RNASET2: variants seen among roughly 807,000 people sequenced by gnomAD.
RNASET2 encodes ribonuclease 6.
RNASET2 carries 28 observed loss-of-function variants against 33.9 expected under a neutral mutation model. The observed-to-expected ratio is 0.83, with a 90% CI of 0.61 to 1.13. The LOEUF is 1.13. RNASET2 is among the 50% of genes most tolerant of loss of function. The pLI is 0.00. For missense variants in RNASET2, 330 were observed against 319.9 expected (o/e 1.03, Z -0.24); for synonymous variants, 123 against 121.0 (o/e 1.02, Z -0.11).
chr6:166,930,788 A>G lies in RNASET2; in HGVS notation c.567+256T>C, dbSNP rs542816668. ...ACATGCACACACATGCACACATAGC[A>G]CATGCCCACATGCATGTACACACAC... On this transcript the variant is annotated intron_variant, in intron 8 of 8. Coordinates refer to ENST00000508775, the MANE Select transcript of RNASET2 (RefSeq NM_003730.6). Among the ~76,000 whole-genome samples the G allele has an allele frequency of 1.0e-3, 153 of 149,632 alleles. 1 individual carries two copies. The highest frequency in any genetic ancestry group is 2.1e-3 in the South Asian group (10 of 4,688).
chr6:166,955,837 C>T, intron 1 of RNASET2: 1 of 875,584 alleles, frequency 1.1e-6, no homozygotes, highest in Non-Finnish European at 1.4e-6. Flanking sequence ...CTCCCCTCAT[C>T]GCACTCCTTC....
chr6:166,954,392 A>T (rs1463186430), intron 1 of RNASET2, among the ~76,000 whole-genome samples: 1 of 152,260 alleles, frequency 6.6e-6, no homozygotes, highest in Non-Finnish European at 1.5e-5. Context: ...CCAGCCAGAC[A>T]TCATTCCAAG....
chr6:166,931,497 C>A, intron 7 of RNASET2: 1 of 311,536 alleles, frequency 3.2e-6, no homozygotes. Context: ...AAAGCTTTCT[C>A]AGCCCTGTCC....
At chr6:166,943,528 T>C in intron 4 of RNASET2, 1 of 329,748 alleles carries the variant, frequency 3.0e-6, no homozygotes, top group Non-Finnish European at 5.9e-6. Context: ...GATTCGCGGT[T>C]GCTTGGGGGT....
rs1051139832 is a variant in RNASET2, at chr6:166,922,423, T to C, written c.*7165A>G. On this transcript the variant is annotated 3_prime_UTR_variant, in exon 9 of 9. Coordinates refer to ENST00000508775, the MANE Select transcript of RNASET2 (RefSeq NM_003730.6). ...AAAAAACCACTTGATTTCCAGGAAT[T>C]GCCATAGGCTAGAGTCTCAGGTGTA... Among the ~76,000 whole-genome samples, 1 of 152,208 alleles carries C rather than the reference T, an allele frequency of 6.6e-6. No individual in the cohort carries two copies. The highest frequency in any genetic ancestry group is 2.4e-5 in the African/African-American group (1 of 41,452).
In RNASET2 at chr6:166,925,991, A is replaced by G. The variant is rs1778299043; in HGVS notation, c.*3597T>C. ...CAGAGAGCCATGGTTGGTTACGGAG[A>G]GTGGCACAAACACGGTGCCAGCGTC... is the stretch of plus-strand genomic sequence containing the variant. On this transcript the variant is annotated 3_prime_UTR_variant, in exon 9 of 9. Transcript: ENST00000508775. Among the ~76,000 whole-genome samples, 1 of 152,190 alleles carries G rather than the reference A, an allele frequency of 6.6e-6. No individual in the cohort carries two copies. Among genetic ancestry groups the G allele is most frequent in the Non-Finnish European group, 1.5e-5 (1 of 68,028 alleles).
intron 2 of RNASET2, among the ~76,000 whole-genome samples, chr6:166,951,114 G>A (rs191164129): frequency 6.6e-6 from 1 of 152,346 alleles, no homozygotes; most frequent in East Asian, 1.9e-4. Context: ...GACTGATAAG[G>A]TCACGTGAGT....
At position 166,927,713 on chromosome 6, in the gene RNASET2, C is replaced by CAAAAAAAAAAAAAAAAAAAAAAA. The variant is rs58837223; in HGVS notation, c.*1852_*1874dup. ...TGATCCCTGTGTTCGCAAAATGACTCAAAAAAAAAAAAAAAAAAAAAAAGA... is the reference window on the plus strand; with the variant it reads ...TGATCCCTGTGTTCGCAAAATGACTCAAAAAAAAAAAAAAAAAAAAAAAAAAAAAAAAAAAAAAAAAAAAAAGA... On this transcript the variant is annotated 3_prime_UTR_variant, in exon 9 of 9. Transcript: ENST00000508775. Among the ~76,000 whole-genome samples the CAAAAAAAAAAAAAAAAAAAAAAA allele has an allele frequency of 2.1e-5, 1 of 47,342 alleles. No individual in the cohort carries two copies. Among genetic ancestry groups the CAAAAAAAAAAAAAAAAAAAAAAA allele is most frequent in the African/African-American group, 8.6e-5 (1 of 11,648 alleles). The allele number at this position is 47,342 out of a possible 152,430, so 31.1% of individuals were successfully genotyped here.
chr6:166,955,341 GCACACGCACGCACACA>G lies in RNASET2; in HGVS notation c.86+740_86+755del, dbSNP rs1221773651. 1.5e-3 allele frequency: 159 copies of G among 104,998 alleles called. 4 individuals are homozygous for G. Among genetic ancestry groups the G allele is most frequent in the Non-Finnish European group, 9.0e-4 (70 of 77,796 alleles). The allele number at this position is 104,998 out of a possible 1,614,324, so 6.5% of individuals were successfully genotyped here. On this transcript the variant is annotated intron_variant, in intron 1 of 8. Coordinates refer to ENST00000508775, the MANE Select transcript of RNASET2 (RefSeq NM_003730.6). ...CGCACACACACGCACGCACGCACAC[GCACACGCACGCACACA>G]CACACGCACACACAAACGCACACGC...
chr6:166,950,023 T>A (rs12203820), intron 2 of RNASET2, among the ~76,000 whole-genome samples: 14,933 of 152,232 alleles, frequency 0.098, 822 homozygotes, highest in Non-Finnish European at 0.12. Flanking sequence ...GATTTTTTTT[T>A]AAATCTTGTT....
At chr6:166,938,320 C>G (rs999442968) in intron 6 of RNASET2, among the ~76,000 whole-genome samples, 3 of 152,064 alleles carry the variant, frequency 2.0e-5, no homozygotes, top group Non-Finnish European at 4.4e-5. Flanking sequence ...TGAGTGGGCT[C>G]GGTGTGGCGC....
At chr6:166,955,296 A>G (rs1415803516) in intron 1 of RNASET2, among the ~76,000 whole-genome samples, 2 of 41,878 alleles carry the variant, frequency 4.8e-5, no homozygotes, top group Non-Finnish European at 3.9e-5. Flanking sequence ...ACACGCACAG[A>G]CGCGCACACA....
intron 4 of RNASET2, chr6:166,945,427 A>G (rs187226079): frequency 1.1e-3 from 171 of 154,870 alleles, no homozygotes; most frequent in African/African-American, 4.1e-3. Flanking sequence ...AGCTAGAGAC[A>G]GCACCAGGCT....
At position 166,946,737 on chromosome 6, in the gene RNASET2, G is replaced by A. The variant is rs1278713421; in HGVS notation, c.206C>T (p.Pro69Leu). 1.3e-6 allele frequency: 2 copies of A among 1,559,980 alleles called. No homozygotes were observed. Among genetic ancestry groups the A allele is most frequent in the Non-Finnish European group, 1.7e-6 (2 of 1,143,170 alleles). Residue 69 changes from proline to leucine, a missense_variant and splice_region_variant, in exon 4 of 9, where the codon CCC becomes CTC. By Grantham distance (98) the Pro-to-Leu change is moderately conservative. Coordinates refer to ENST00000508775, the MANE Select transcript of RNASET2 (RefSeq NM_003730.6). ...TCTATTACATCCTTCACTTTTATCG[G>A]GCCTGGAAATTCAAATTTAAAAGAG... ...PDYWTIHGLW[P>L]DKSEGCNRSW... is the part of the protein sequence containing the mutation.
Position 166,928,821 on chromosome 6 carries a change from T to C in RNASET2, c.*767A>G. Among the ~76,000 whole-genome samples, 1 of 152,222 alleles carries C rather than the reference T, an allele frequency of 6.6e-6. No individual in the cohort carries two copies. The highest frequency in any genetic ancestry group is 1.9e-4 in the East Asian group (1 of 5,188). On this transcript the variant is annotated 3_prime_UTR_variant, in exon 9 of 9. Coordinates refer to ENST00000508775, the MANE Select transcript of RNASET2 (RefSeq NM_003730.6). ...TAGAAGGTAAGGGTACCTCCGGTTC[T>C]GGAACACACAATGTAGGCACATTTC...
Position 166,955,381 on chromosome 6 carries a change from GCACA to G in RNASET2, c.86+712_86+715del, listed in dbSNP as rs199506216. ...CACACACGCACACACAAACGCACAC[GCACA>G]CACACACACGCGCACACACACACGC... On this transcript the variant is annotated intron_variant, in intron 1 of 8. Coordinates refer to ENST00000508775, the MANE Select transcript of RNASET2 (RefSeq NM_003730.6). The G allele has an allele frequency of 2.0e-4, 49 of 250,886 alleles. 3 individuals carry two copies. In the East Asian group the frequency reaches 0.013, roughly 64 times the overall value. 15.5% of individuals were successfully genotyped at this position (250,886 alleles called of 1,614,324 possible).
Position 166,956,172 on chromosome 6 carries a change from G to A in RNASET2, c.11C>T (p.Ala4Val). The change falls in exon 1 of 9, where the codon GCA becomes GTA. Residue 4 changes from alanine (A) to valine (V), a missense_variant. By Grantham distance (64) the Ala-to-Val change is moderately conservative. Coordinates refer to ENST00000508775, the MANE Select transcript of RNASET2 (RefSeq NM_003730.6). MRP[A>V]ALRGALLGCL... ...GCCCAGCAGGGCCCCGCGCAGGGCT[G>A]CAGGGCGCATGGTGCCGACCTGCGG... 2 of 1,548,194 alleles carry A rather than the reference G, an allele frequency of 1.3e-6. No individual in the cohort carries two copies. Among genetic ancestry groups the A allele is most frequent in the African/African-American group, 1.4e-5 (1 of 72,656 alleles).
chr6:166,935,656 G>C lies in RNASET2; in HGVS notation c.447-1520C>G, dbSNP rs112202552. Among the ~76,000 whole-genome samples the C allele has an allele frequency of 3.4e-3, 519 of 152,264 alleles. 4 individuals are homozygous for C. Among genetic ancestry groups the C allele is most frequent in the Non-Finnish European group, 6.1e-3 (418 of 67,998 alleles). ...TGCTGCCTTCATATTATGAAGTGAA[G>C]AAAAACAAGCTACAATTTTTTATTC... On this transcript the variant is annotated intron_variant, in intron 6 of 8. Transcript: ENST00000508775.
At position 166,933,026 on chromosome 6, in the gene RNASET2, G is replaced by A. The variant is rs554841951; in HGVS notation, c.492+1065C>T. The A allele has an allele frequency of 6.6e-6, 1 of 152,320 alleles. No homozygotes were observed. Among genetic ancestry groups the A allele is most frequent in the African/African-American group, 2.4e-5 (1 of 41,564 alleles). 9.4% of individuals were successfully genotyped at this position (152,320 alleles called of 1,614,324 possible). On this transcript the variant is annotated intron_variant, in intron 7 of 8. Coordinates refer to ENST00000508775, the MANE Select transcript of RNASET2 (RefSeq NM_003730.6). The surrounding 1 kb of genome is among the most constrained non-coding windows in gnomAD (Gnocchi z 4.1). The stretch of plus-strand genomic sequence containing the variant: ...ACACCATGAGAGCAAAGACACTGTT[G>A]CCAATTTATTTCACAAACAGTCAAG...
Sources: allele counts gnomAD v4.1 joint callset (sites outside exome capture counted in the v4.1 genomes callset), GRCh38; gene constraint gnomAD v4.1.1; non-coding constraint Gnocchi (gnomAD v3.1); transcripts MANE v1.5; gene names NCBI Gene and HGNC (gene_info 2026-07-23, HGNC 2026-07-21).